GDNF: variants seen among roughly 807,000 people sequenced by gnomAD.
GDNF encodes glial cell derived neurotrophic factor, also known as glial cell line-derived neurotrophic factor.
Under a neutral mutation model 13.7 loss-of-function variants are expected in GDNF, and 5 were observed. The ratio of observed to expected loss-of-function variants is 0.36; its 90% CI spans 0.19 to 0.77. The LOEUF (loss-of-function observed/expected upper bound fraction) is 0.77. Among genes scored for constraint, GDNF ranks in the 30% least tolerant of loss-of-function variants. The pLI, the probability that GDNF is intolerant of heterozygous loss-of-function variation, is 0.51. For synonymous variants in GDNF, 122 were observed against 112.5 expected (o/e 1.08, Z -0.53); for missense variants, 246 against 274.3 (o/e 0.90, Z 0.73).
chr5:37,818,364 C>T (rs1750005845), intron 2 of GDNF, among the ~76,000 whole-genome samples: 2 of 152,156 alleles, frequency 1.3e-5, no homozygotes, highest in Admixed American at 1.3e-4. Flanking sequence ...CTCATGAGAC[C>T]TGATTGTTTT....
At chr5:37,831,937 C>T (rs1181737522) in intron 2 of GDNF, among the ~76,000 whole-genome samples, 1 of 152,252 alleles carries the variant, frequency 6.6e-6, no homozygotes, top group Admixed American at 6.5e-5. Flanking sequence ...GAAGTTGCTA[C>T]AGGAGGCAGT....
rs1249786558 is a variant in GDNF at position 37,838,273 on chromosome 5, A to G, written c.-27+1234T>C. Among the ~76,000 whole-genome samples the G allele has an allele frequency of 6.6e-6, 1 of 152,144 alleles. No individual in the cohort carries two copies. The highest frequency in any genetic ancestry group is 2.4e-5 in the African/African-American group (1 of 41,420). On this transcript the variant is annotated intron_variant, in intron 1 of 2. Transcript: ENST00000326524. The surrounding 1 kb of genome is among the most constrained non-coding windows in gnomAD (Gnocchi z 4.1). ...GCTAGGGACACGGCGGACTTCCCAGAGATCGGACACTTGTTACTTGTTGAA... is the reference window on the plus strand; with the variant it reads ...GCTAGGGACACGGCGGACTTCCCAGGGATCGGACACTTGTTACTTGTTGAA...
chr5:37,818,926 G>T (rs1164797948), intron 2 of GDNF, among the ~76,000 whole-genome samples: 1 of 151,684 alleles, frequency 6.6e-6, no homozygotes, highest in Non-Finnish European at 1.5e-5. Flanking sequence ...CCCCTGCCCT[G>T]CGCCTCCCCC....
chr5:37,835,801 G>A, intron 1 of GDNF: 3 of 733,622 alleles, frequency 4.1e-6, no homozygotes, highest in Middle Eastern at 2.3e-4. Flanking sequence ...ACGCCTGGAC[G>A]ACTGTACCCA....
In GDNF at chr5:37,819,450, T is replaced by C. The variant is rs928698917; in HGVS notation, c.152-3315A>G. 2.3e-3 allele frequency among the ~76,000 whole-genome samples: 342 copies of C among 149,956 alleles called. 2 individuals carry two copies. The highest frequency in any genetic ancestry group is 3.8e-3 in the Non-Finnish European group (257 of 67,476). ...CCCAGGGAAGTGCTCTTTTCTTTTT[T>C]TTTTTTTTTTTTTGTTTTTGAGACG... On this transcript the variant is annotated intron_variant, in intron 2 of 2. Transcript: ENST00000326524.
rs1371309972 is a variant in GDNF, at chr5:37,834,852, G to T, written c.-26-30C>A. The T allele has an allele frequency of 3.7e-6, 6 of 1,603,174 alleles. No individual in the cohort carries two copies. In the South Asian group the frequency reaches 6.6e-5, roughly 18 times the overall value. On this transcript the variant is annotated intron_variant, in intron 1 of 2. Transcript: ENST00000326524. ...GCGGGCAGGCGGGAGGTGGGGGAGAGAACCGCAGAATGCACGTTAAGCCTG... is the reference window on the plus strand; with the variant it reads ...GCGGGCAGGCGGGAGGTGGGGGAGATAACCGCAGAATGCACGTTAAGCCTG...
rs765465035 is a variant in GDNF, at chr5:37,834,619, C to T, written c.151+27G>A. ...GGTGCGAGGGGGTCCGCCGGCGGCC[C>T]CCCCGCGGGGAGGGAACGGTTCTTA... On this transcript the variant is annotated intron_variant, in intron 2 of 2. Coordinates refer to ENST00000326524, the MANE Select transcript of GDNF (RefSeq NM_000514.4). 10 of 1,469,302 alleles carry T rather than the reference C, an allele frequency of 6.8e-6. No individual in the cohort carries two copies. The South Asian group carries it at 1.4e-4, about 21-fold the overall frequency. The allele number at this position is 1,469,302 out of a possible 1,614,324, so 91.0% of individuals were successfully genotyped here.
chr5:37,820,014 A>G (rs141709627), intron 2 of GDNF, among the ~76,000 whole-genome samples: 182 of 152,338 alleles, frequency 1.2e-3, no homozygotes, highest in Admixed American at 2.0e-3. Context: ...AAACAGATCT[A>G]TTAGGAGTGA....
intron 2 of GDNF, among the ~76,000 whole-genome samples, chr5:37,831,507 T>A (rs572230034): frequency 6.6e-6 from 1 of 152,366 alleles, no homozygotes; most frequent in South Asian, 2.1e-4. Context: ...TAACCTTCAA[T>A]AAATTCAGAC....
At chr5:37,835,883 AG>A in intron 1 of GDNF, 1 of 573,916 alleles carries the variant, frequency 1.7e-6, no homozygotes, top group Non-Finnish European at 3.1e-6. Flanking sequence ...TAGGGGGTTC[AG>A]CTCTTTTCAG....
chr5:37,824,913 C>T (rs115957293), intron 2 of GDNF, among the ~76,000 whole-genome samples: 27 of 152,106 alleles, frequency 1.8e-4, no homozygotes, highest in African/African-American at 5.1e-4. Context: ...GGCATGACAT[C>T]GATTTATTTG....
intron 2 of GDNF, among the ~76,000 whole-genome samples, chr5:37,829,926 T>TC (rs1037862157): frequency 2.6e-5 from 4 of 152,170 alleles, no homozygotes; most frequent in African/African-American, 9.7e-5. Context: ...GTTTCTTGAT[T>TC]CCAAGAGACC....
chr5:37,832,766 A>G (rs1443209336), intron 2 of GDNF, among the ~76,000 whole-genome samples: 1 of 152,224 alleles, frequency 6.6e-6, no homozygotes, highest in African/African-American at 2.4e-5. Context: ...CTGGTTGCAC[A>G]TTAGACTCAT....
At position 37,834,766 on chromosome 5, in the gene GDNF, G is replaced by A. The variant is rs934732192; in HGVS notation, c.31C>T (p.Leu11=). 8 of 1,613,112 alleles carry A rather than the reference G, an allele frequency of 5.0e-6. No homozygotes were observed. The African/African-American group carries it at 6.7e-5, about 13-fold the overall frequency. Reference sequence around the variant, plus strand: ...GCGGACGCGGTGTGGAGCAGCACCAGGCAGACAGCCACGACATCCCATAAC... The same window carrying A: ...GCGGACGCGGTGTGGAGCAGCACCAAGCAGACAGCCACGACATCCCATAAC... MKLWDVVAVC[L]VLLHTASAFP... is the part of the protein sequence containing the mutation. The change falls in exon 2 of 3, where the codon CTG becomes TTG. Residue 11 remains leucine, a synonymous_variant. Transcript: ENST00000326524.
intron 2 of GDNF, among the ~76,000 whole-genome samples, chr5:37,817,602 A>AGT (rs1186238208): frequency 8.0e-5 from 9 of 112,892 alleles, no homozygotes; most frequent in African/African-American, 2.8e-4. Context: ...ACGTGTGTGT[A>AGT]GAGTGTGTGT....
chr5:37,817,601 T>TAG (rs763086846), intron 2 of GDNF, among the ~76,000 whole-genome samples: 1 of 118,570 alleles, frequency 8.4e-6, no homozygotes, highest in Non-Finnish European at 1.8e-5. Context: ...CACGTGTGTG[T>TAG]AGAGTGTGTG....
rs1046302089 is a variant in GDNF at position 37,818,089 on chromosome 5, C to T, written c.152-1954G>A. Among the ~76,000 whole-genome samples the T allele has an allele frequency of 1.2e-4, 19 of 152,152 alleles. 1 individual carries two copies. The highest frequency in any genetic ancestry group is 3.3e-4 in the Admixed American group (5 of 15,278). On this transcript the variant is annotated intron_variant, in intron 2 of 2. Coordinates refer to ENST00000326524, the MANE Select transcript of GDNF (RefSeq NM_000514.4). The stretch of plus-strand genomic sequence containing the variant: ...TGGCTTCCTTACCATTCCTCAAACA[C>T]GGGGCTCAGTGTCAGCACCACTGAC...
intron 2 of GDNF, among the ~76,000 whole-genome samples, chr5:37,823,047 C>T (rs1326696736): frequency 6.6e-6 from 1 of 152,180 alleles, no homozygotes; most frequent in Non-Finnish European, 1.5e-5. Flanking sequence ...AAAACATTAC[C>T]AGTGTAAAGG....
chr5:37,823,482 C>T (rs1750210056), intron 2 of GDNF: 1 of 152,190 alleles, frequency 6.6e-6, no homozygotes, highest in African/African-American at 2.4e-5. Flanking sequence ...AAATTGTCTC[C>T]CAAAAAGGAA....
Sources: allele counts gnomAD v4.1 joint callset (sites outside exome capture counted in the v4.1 genomes callset), GRCh38; gene constraint gnomAD v4.1.1; non-coding constraint Gnocchi (gnomAD v3.1); transcripts MANE v1.5; gene names NCBI Gene and HGNC (gene_info 2026-07-23, HGNC 2026-07-21).